The following BCL2 variants were observed in gnomAD, a reference collection of about 807,000 sequenced individuals.
BCL2 encodes BCL2 apoptosis regulator, also known as apoptosis regulator Bcl-2.
Under a neutral mutation model 14.2 loss-of-function variants are expected in BCL2, and 1 was observed. The observed-to-expected ratio is 0.07, with a 90% CI of 0.02 to 0.33. The LOEUF is 0.33. BCL2 is among the 10% of genes least tolerant of loss of function. The pLI, the probability that BCL2 is intolerant of heterozygous loss-of-function variation, is 0.99. For missense variants in BCL2, 247 were observed against 305.9 expected (o/e 0.81, Z 1.44); for synonymous variants, 151 against 137.2 (o/e 1.10, Z -0.70).
At chr18:63,271,241 G>C (rs182503942) in intron 2 of BCL2, among the ~76,000 whole-genome samples, 1 of 152,256 alleles carries the variant, frequency 6.6e-6, no homozygotes, top group Non-Finnish European at 1.5e-5. Flanking sequence ...CTCTTTCCCA[G>C]TCTCTTGGAA....
At chr18:63,169,403 T>TTCTC (rs1273015435) in intron 2 of BCL2, among the ~76,000 whole-genome samples, 1 of 102,506 alleles carries the variant, frequency 9.8e-6, no homozygotes, top group African/African-American at 5.6e-5. Flanking sequence ...CTTTCTTTCT[T>TTCTC]TTTCTTTCTC....
At chr18:63,288,938 G>A (rs868185267) in intron 2 of BCL2, among the ~76,000 whole-genome samples, 4 of 152,148 alleles carry the variant, frequency 2.6e-5, no homozygotes, top group African/African-American at 7.2e-5. Context: ...ACCTACATGC[G>A]TAGCACAGTG....
intron 2 of BCL2, among the ~76,000 whole-genome samples, chr18:63,271,888 C>G (rs1289469520): frequency 2.0e-5 from 3 of 152,170 alleles, no homozygotes; most frequent in Non-Finnish European, 4.4e-5. Context: ...GGGGCAAGAT[C>G]CCAGGGTTGA....
intron 2 of BCL2, among the ~76,000 whole-genome samples, chr18:63,295,534 G>A (rs911749712): frequency 2.6e-5 from 4 of 152,140 alleles, no homozygotes; most frequent in Admixed American, 1.3e-4. Context: ...GTTAGTGAGG[G>A]ACCCTGTAAC....
chr18:63,201,614 T>C (rs1391732472), intron 2 of BCL2, among the ~76,000 whole-genome samples: 5 of 152,188 alleles, frequency 3.3e-5, no homozygotes, highest in African/African-American at 9.7e-5. Flanking sequence ...AAAGAAACTG[T>C]GGCACATATA....
chr18:63,256,987 T>C (rs1470536049), intron 2 of BCL2, among the ~76,000 whole-genome samples: 7 of 152,244 alleles, frequency 4.6e-5, no homozygotes, highest in Non-Finnish European at 8.8e-5. Context: ...GAAAGTTAAA[T>C]TCATTCAAAA....
chr18:63,200,196 A>G (rs1357885656), intron 2 of BCL2, among the ~76,000 whole-genome samples: 1 of 152,212 alleles, frequency 6.6e-6, no homozygotes, highest in Non-Finnish European at 1.5e-5. Flanking sequence ...CACTACCGGT[A>G]TTCTTAGAGT....
chr18:63,219,324 C>T (rs1910314390), intron 2 of BCL2, among the ~76,000 whole-genome samples: 1 of 152,120 alleles, frequency 6.6e-6, no homozygotes, highest in Non-Finnish European at 1.5e-5. Context: ...ATTGTCCTTT[C>T]TCCTGAACTT....
intron 2 of BCL2, among the ~76,000 whole-genome samples, chr18:63,161,039 T>A (rs1289861916): frequency 6.6e-6 from 1 of 152,108 alleles, no homozygotes; most frequent in Non-Finnish European, 1.5e-5. Flanking sequence ...GAGTTTTTAA[T>A]TTTTTTTAAA....
At position 63,169,301 on chromosome 18, in the gene BCL2, T is replaced by TTCCTTCC. The variant is rs1568222433; in HGVS notation, c.586-40543_586-40542insGGAAGGA. Among the ~76,000 whole-genome samples, 778 of 82,220 alleles carry TTCCTTCC rather than the reference T, an allele frequency of 9.5e-3. 73 individuals carry two copies. The highest frequency in any genetic ancestry group is 0.029 in the South Asian group (65 of 2,218). 53.9% of individuals were successfully genotyped at this position (82,220 alleles called of 152,430 possible). Reference sequence around the variant, plus strand: ...CTTTCTTTCTTTCTTTCTTTCTTTCTTTCTTTCTTCCTTCCTTCCTTCTTT... The same window carrying TTCCTTCC: ...CTTTCTTTCTTTCTTTCTTTCTTTCTTCCTTCCTTCTTTCTTCCTTCCTTCCTTCTTT... On this transcript the variant is annotated intron_variant, in intron 2 of 2. Coordinates refer to ENST00000333681, the MANE Select transcript of BCL2 (RefSeq NM_000633.3).
chr18:63,275,412 C>G (rs1276823435), intron 2 of BCL2, among the ~76,000 whole-genome samples: 1 of 152,124 alleles, frequency 6.6e-6, no homozygotes, highest in Non-Finnish European at 1.5e-5. Flanking sequence ...TGGCTCTCCC[C>G]TTCCTGTCCT....
At chr18:63,188,560 A>G (rs1324101501) in intron 2 of BCL2, among the ~76,000 whole-genome samples, 1 of 152,202 alleles carries the variant, frequency 6.6e-6, no homozygotes, top group Non-Finnish European at 1.5e-5. Context: ...AAAGATTGGA[A>G]TAAGCAAATT....
intron 2 of BCL2, among the ~76,000 whole-genome samples, chr18:63,181,055 A>C (rs1374350910): frequency 1.3e-5 from 2 of 152,328 alleles, no homozygotes; most frequent in East Asian, 3.9e-4. Context: ...CTCACGACGG[A>C]GGCCCCAAAT....
intron 2 of BCL2, among the ~76,000 whole-genome samples, chr18:63,293,746 C>G (rs4987716): frequency 6.6e-6 from 1 of 152,134 alleles, no homozygotes; most frequent in Admixed American, 6.5e-5. Flanking sequence ...AAAATGGGAT[C>G]AAAGTATAGC....
intron 2 of BCL2, among the ~76,000 whole-genome samples, chr18:63,304,234 C>T (rs1169676746): frequency 6.6e-6 from 1 of 152,142 alleles, no homozygotes; most frequent in Non-Finnish European, 1.5e-5. Context: ...AGTTCTTAAC[C>T]TGTCATGTTT....
At position 63,129,303 on chromosome 18, in the gene BCL2, T is replaced by TC. The variant is rs200439344; in HGVS notation, c.586-545_586-544insG. ...CAAACTTTTTCTTTCTTTTTTTTTTTTTAGAGACAAGAGTCTTGCTCTGTT... is the reference window on the plus strand; with the variant it reads ...CAAACTTTTTCTTTCTTTTTTTTTTTCTTAGAGACAAGAGTCTTGCTCTGTT... On this transcript the variant is annotated intron_variant, in intron 2 of 2. Transcript: ENST00000333681. 8.0e-3 allele frequency among the ~76,000 whole-genome samples: 1,214 copies of TC among 151,762 alleles called. 5 individuals carry two copies. The highest frequency in any genetic ancestry group is 0.017 in the South Asian group (81 of 4,788).
At chr18:63,302,193 C>T (rs762122087) in intron 2 of BCL2, 1 of 271,666 alleles carries the variant, frequency 3.7e-6, no homozygotes, top group Non-Finnish European at 5.6e-6. Context: ...ATGAGCTAGG[C>T]GTGCTGGCAG....
intron 2 of BCL2, among the ~76,000 whole-genome samples, chr18:63,169,336 CCTTTCTTT>C (rs796105554): frequency 3.2e-5 from 2 of 62,054 alleles, no homozygotes; most frequent in African/African-American, 1.6e-4. Flanking sequence ...TCCTTTCCTT[CCTTTCTTT>C]CTTTCTTTCT....
At chr18:63,160,599 C>G (rs539658180) in intron 2 of BCL2, among the ~76,000 whole-genome samples, 2 of 152,256 alleles carry the variant, frequency 1.3e-5, no homozygotes, top group South Asian at 4.2e-4. Flanking sequence ...ATTTTCTTAG[C>G]ATTTCCTGTT....
Sources: gnomAD v4.1 joint callset for allele counts (sites outside exome capture counted in the v4.1 genomes callset) on GRCh38, gnomAD v4.1.1 for gene constraint, MANE v1.5 for transcripts, NCBI Gene and HGNC (gene_info 2026-07-23, HGNC 2026-07-21) for gene names.